The following NKAIN2 variants were observed in gnomAD, a reference collection of about 807,000 sequenced individuals.
NKAIN2 encodes the protein sodium/potassium transporting ATPase interacting 2.
NKAIN2 carries 14 observed loss-of-function variants against 32.6 expected under a neutral mutation model. The ratio of observed to expected loss-of-function variants is 0.43; its 90% CI spans 0.28 to 0.67. The LOEUF (loss-of-function observed/expected upper bound fraction) is 0.67. Among genes scored for constraint, NKAIN2 ranks in the 30% least tolerant of loss-of-function variants. The pLI, the probability that NKAIN2 is intolerant of heterozygous loss-of-function variation, is 0.17. For missense variants in NKAIN2, 198 were observed against 258.3 expected, an observed-to-expected ratio of 0.77 and a Z score of 1.60; for synonymous variants, 80 against 87.2, an observed-to-expected ratio of 0.92 and a Z score of 0.46.
At chr6:124,613,254 A>G (rs1782757320) in intron 3 of NKAIN2, among the ~76,000 whole-genome samples, 1 of 152,098 alleles carries the variant, frequency 6.6e-6, no homozygotes, top group African/African-American at 2.4e-5. Flanking sequence ...AGGTTATCTT[A>G]CCCTGATGCT....
chr6:124,544,716 A>G (rs764578577), intron 3 of NKAIN2, among the ~76,000 whole-genome samples: 2 of 152,174 alleles, frequency 1.3e-5, no homozygotes, highest in Non-Finnish European at 2.9e-5. Context: ...TGTCTGTTCA[A>G]CATAATAGTT....
intron 3 of NKAIN2, among the ~76,000 whole-genome samples, chr6:124,639,187 A>G (rs970009028): frequency 1.3e-5 from 2 of 152,184 alleles, no homozygotes; most frequent in African/African-American, 4.8e-5. Context: ...CAAAAAACTA[A>G]CCATAGAACT....
At chr6:123,949,610 T>G (rs1445504278) in intron 1 of NKAIN2, among the ~76,000 whole-genome samples, 2 of 152,020 alleles carry the variant, frequency 1.3e-5, no homozygotes, top group Non-Finnish European at 2.9e-5. Context: ...TAGTTCATTA[T>G]TGATGTATAA....
chr6:124,696,887 ATTTG>A (rs2114555507), intron 4 of NKAIN2, among the ~76,000 whole-genome samples: 1 of 152,124 alleles, frequency 6.6e-6, no homozygotes, highest in Admixed American at 6.5e-5. Flanking sequence ...GGCTACTGTA[ATTTG>A]TTTGACACTT....
At chr6:124,277,741 T>C (rs182118304) in intron 1 of NKAIN2, among the ~76,000 whole-genome samples, 89 of 152,184 alleles carry the variant, frequency 5.8e-4, no homozygotes, top group African/African-American at 2.0e-3. Flanking sequence ...GCTCAGATTC[T>C]TGAAGGGACC....
Position 123,938,594 on chromosome 6 carries a change from ATATT to A in NKAIN2, c.54+134341_54+134344del, listed in dbSNP as rs1182346626. On this transcript the variant is annotated intron_variant, in intron 1 of 6. Coordinates refer to ENST00000368417, the MANE Select transcript of NKAIN2 (RefSeq NM_001040214.3). ...TTATATATATTTATATAGTTTTTATATATTATATATATTTTTATATATTATATAT... is the reference window on the plus strand; with the variant it reads ...TTATATATATTTATATAGTTTTTATAATATATATTTTTATATATTATATAT... Among the ~76,000 whole-genome samples the A allele has an allele frequency of 4.1e-4, 56 of 136,040 alleles. 2 individuals carry two copies. The allele number at this position is 136,040 out of a possible 152,430, so 89.2% of individuals were successfully genotyped here.
chr6:124,380,611 G>T (rs545129093), intron 3 of NKAIN2, among the ~76,000 whole-genome samples: 192 of 152,274 alleles, frequency 1.3e-3, no homozygotes, highest in Middle Eastern at 3.4e-3. Context: ...GGTGCAAGAA[G>T]TCTCATCTGG....
At chr6:124,746,984 A>G (rs890316970) in intron 4 of NKAIN2, among the ~76,000 whole-genome samples, 2 of 152,028 alleles carry the variant, frequency 1.3e-5, no homozygotes, top group Non-Finnish European at 2.9e-5. Flanking sequence ...TTGTAGCAAC[A>G]AAAGTTATGA....
chr6:124,161,045 G>C (rs574290735), intron 1 of NKAIN2, among the ~76,000 whole-genome samples: 1 of 152,224 alleles, frequency 6.6e-6, no homozygotes, highest in South Asian at 2.1e-4. Context: ...AAGGACTGTT[G>C]AAAGTTAGAC....
At chr6:124,122,431 A>G (rs1214697271) in intron 1 of NKAIN2, among the ~76,000 whole-genome samples, 1 of 152,138 alleles carries the variant, frequency 6.6e-6, no homozygotes, top group Non-Finnish European at 1.5e-5. Flanking sequence ...ATGTTATTAG[A>G]CTGACTTCAG....
intron 1 of NKAIN2, among the ~76,000 whole-genome samples, chr6:123,920,324 T>A (rs947695148): frequency 6.6e-6 from 1 of 152,150 alleles, no homozygotes; most frequent in Non-Finnish European, 1.5e-5. Context: ...CACTGACAGA[T>A]TTTAAATTGG....
chr6:124,820,854 G>C (rs561102500), intron 6 of NKAIN2, among the ~76,000 whole-genome samples: 1 of 152,208 alleles, frequency 6.6e-6, no homozygotes, highest in Non-Finnish European at 1.5e-5. Flanking sequence ...ATCTGAGGTG[G>C]AACAGTTTCA....
intron 3 of NKAIN2, among the ~76,000 whole-genome samples, chr6:124,559,395 G>T (rs1780602178): frequency 6.6e-6 from 1 of 152,164 alleles, no homozygotes; most frequent in Non-Finnish European, 1.5e-5. Flanking sequence ...ACGAGCTGAG[G>T]CTAAGTGACT....
chr6:123,847,963 C>A (rs916323427), intron 1 of NKAIN2, among the ~76,000 whole-genome samples: 1 of 152,048 alleles, frequency 6.6e-6, no homozygotes, highest in Admixed American at 6.6e-5. Flanking sequence ...ACATGAGCAC[C>A]TTTATATATC....
intron 3 of NKAIN2, among the ~76,000 whole-genome samples, chr6:124,396,216 C>T (rs1386863951): frequency 6.6e-6 from 1 of 151,550 alleles, no homozygotes; most frequent in African/African-American, 2.4e-5. Context: ...TGGTAAGATG[C>T]CATGGGCATC....
chr6:124,450,900 A>G (rs575594289), intron 3 of NKAIN2, among the ~76,000 whole-genome samples: 1 of 152,102 alleles, frequency 6.6e-6, no homozygotes, highest in African/African-American at 2.4e-5. Flanking sequence ...AAAAATTTAA[A>G]CAAATATAAT....
intron 1 of NKAIN2, among the ~76,000 whole-genome samples, chr6:123,989,354 T>C (rs1490783450): frequency 8.5e-5 from 13 of 152,174 alleles, no homozygotes; most frequent in Non-Finnish European, 2.9e-5. Flanking sequence ...TTTTGGCATA[T>C]AATTGAGAAG....
intron 1 of NKAIN2, among the ~76,000 whole-genome samples, chr6:123,855,092 G>C (rs949066545): frequency 2.0e-5 from 3 of 152,140 alleles, no homozygotes; most frequent in African/African-American, 7.2e-5. Flanking sequence ...CAAGAAAATA[G>C]TATAAATGTA....
intron 1 of NKAIN2, among the ~76,000 whole-genome samples, chr6:124,178,982 T>A (rs767265094): frequency 5.9e-5 from 9 of 152,226 alleles, no homozygotes; most frequent in Non-Finnish European, 8.8e-5. Flanking sequence ...ATGTTGGTCA[T>A]GGAGCACAGT....
Sources: allele counts gnomAD v4.1 joint callset (sites outside exome capture counted in the v4.1 genomes callset), GRCh38; gene constraint gnomAD v4.1.1; transcripts MANE v1.5; gene names NCBI Gene and HGNC (gene_info 2026-07-23, HGNC 2026-07-21).